KRTAP9-1: variants seen among roughly 807,000 people sequenced by gnomAD.
The protein encoded by KRTAP9-1 is keratin-associated protein 9-1.
Under a neutral mutation model 18.4 loss-of-function variants are expected in KRTAP9-1, and 13 were observed. The observed-to-expected ratio is 0.71, with a 90% CI of 0.46 to 1.12. KRTAP9-1 has a LOEUF of 1.12. KRTAP9-1 is among the 50% of genes most tolerant of loss of function. The pLI, the probability that KRTAP9-1 is intolerant of heterozygous loss-of-function variation, is 0.00. For missense variants in KRTAP9-1, 310 were observed against 310.6 expected, an observed-to-expected ratio of 1.00 and a Z score of 0.01; for synonymous variants, 122 against 108.8, an observed-to-expected ratio of 1.12 and a Z score of -0.75.
At position 41,190,111 on chromosome 17, in the gene KRTAP9-1, C is replaced by G. The variant is rs1324622944; in HGVS notation, c.225C>G (p.Cys75Trp). The stretch of plus-strand genomic sequence containing the variant: ...GCCAGCCCACTTGTGTGGCCAGCTG[C>G]TGCCAGCCTTCCTGCTGCAGCACAC... ...TCCQPTCVASCCQPSCCSTPC... is the reference protein window; with the variant it reads ...TCCQPTCVASWCQPSCCSTPC... Residue 75 changes from cysteine (C) to tryptophan (W), a missense_variant, in exon 1 of 1, where the codon TGC becomes TGG. This residue lies in a region of KRTAP9-1 where 178 missense variants were observed against 190.2 expected (regional missense o/e 0.94). Transcript: ENST00000398470. The G allele has an allele frequency of 1.9e-6, 3 of 1,603,202 alleles. No individual in the cohort carries two copies. Among genetic ancestry groups the G allele is most frequent in the East Asian group, 4.5e-5 (2 of 44,096 alleles).
In KRTAP9-1 at chr17:41,190,287, G is replaced by C. The variant is rs756837166; in HGVS notation, c.401G>C (p.Cys134Ser). 1 of 1,435,660 alleles carries C rather than the reference G, an allele frequency of 7.0e-7. No homozygotes were observed. The highest frequency in any genetic ancestry group is 9.4e-7 in the Non-Finnish European group (1 of 1,066,196). The allele number at this position is 1,435,660 out of a possible 1,614,324, so 88.9% of individuals were successfully genotyped here. A position where few individuals can be genotyped will look rare whatever the true frequency, so the allele number is the denominator to read the frequency against. The change falls in exon 1 of 1, where the codon TGC becomes TCC. Residue 134 changes from cysteine (C) to serine (S), a missense_variant. Around this residue, in one of 3 missense-constraint regions of KRTAP9-1, gnomAD observed 178 missense variants for 190.2 expected, o/e 0.94. Transcript: ENST00000398470. ...YQTICFRTTCCQPTCCQPTCC... is the reference protein window; with the variant it reads ...YQTICFRTTCSQPTCCQPTCC... ...ACTATCTGCTTCAGGACCACCTGCT[G>C]CCAGCCTACCTGCTGCCAGCCCACC...
rs763212369 is a variant in KRTAP9-1 at position 41,190,267 on chromosome 17, C to T, written c.381C>T (p.Ile127=). Residue 127 remains isoleucine (I), a synonymous_variant, in exon 1 of 1, where the codon ATC becomes ATT. Transcript: ENST00000398470. ...GTCACCCGACTTGCTATCAAACTAT[C>T]TGCTTCAGGACCACCTGCTGCCAGC... ...PCCHPTCYQT[I]CFRTTCCQPT... 1 of 1,389,216 alleles carries T rather than the reference C, an allele frequency of 7.2e-7. No homozygotes were observed. Among genetic ancestry groups the T allele is most frequent in the Non-Finnish European group, 9.6e-7 (1 of 1,043,054 alleles). 86.1% of individuals were successfully genotyped at this position (1,389,216 alleles called of 1,614,324 possible).
rs754493634 is a variant in KRTAP9-1 at position 41,190,279 on chromosome 17, CACCTGCTGCCAGCCT to C, written c.408_422del (p.Gln140_Cys144del). ...GCTATCAAACTATCTGCTTCAGGAC[CACCTGCTGCCAGCCT>C]ACCTGCTGCCAGCCCACCTGCTGCA... On this transcript the variant is annotated inframe_deletion, in exon 1 of 1. Coordinates refer to ENST00000398470, the MANE Select transcript of KRTAP9-1 (RefSeq NM_001190460.1). The C allele has an allele frequency of 1.7e-4, 225 of 1,286,964 alleles. No individual in the cohort carries two copies. The African/African-American group carries it at 4.1e-3, about 24-fold the overall frequency. 79.7% of individuals were successfully genotyped at this position (1,286,964 alleles called of 1,614,324 possible).
rs760247599 is a variant in KRTAP9-1 at position 41,190,474 on chromosome 17, T to C, written c.588T>C (p.Gly196=). Residue 196 remains glycine (G), a synonymous_variant, in exon 1 of 1, where the codon GGT becomes GGC. Coordinates refer to ENST00000398470, the MANE Select transcript of KRTAP9-1 (RefSeq NM_001190460.1). ...CSTPCCQPTC[G]GSSCCSQTCN... ...CACCCTGTTGCCAGCCAACCTGTGGTGGGTCCAGCTGCTGTAGCCAAACCT... is the reference window on the plus strand; with the variant it reads ...CACCCTGTTGCCAGCCAACCTGTGGCGGGTCCAGCTGCTGTAGCCAAACCT... 2.1e-5 allele frequency: 33 copies of C among 1,600,626 alleles called. No homozygotes were observed. Among genetic ancestry groups the C allele is most frequent in the Non-Finnish European group, 3.4e-6 (4 of 1,173,928 alleles).
chr17:41,190,586 TG>T lies in KRTAP9-1; in HGVS notation c.314del (p.Cys105PhefsTer?). 2 of 1,608,686 alleles carry T rather than the reference TG, an allele frequency of 1.2e-6. No homozygotes were observed. Among genetic ancestry groups the T allele is most frequent in the Non-Finnish European group, 1.7e-6 (2 of 1,177,368 alleles). ...CAGGACCACCTGTTGCCGCCCCAGC[TG>T]TTGCTGCAGTCCTTGCTGTGTCTCC... On this transcript the variant is annotated frameshift_variant, in exon 3 of 3. Transcript: ENST00000634358. LOFTEE classifies it high-confidence loss of function.
chr17:41,190,484 T>C lies in KRTAP9-1; in HGVS notation c.598T>C (p.Cys200Arg). The C allele has an allele frequency of 6.2e-7, 1 of 1,603,476 alleles. No individual in the cohort carries two copies. Among genetic ancestry groups the C allele is most frequent in the Non-Finnish European group, 8.5e-7 (1 of 1,174,758 alleles). ...CCQPTCGGSS[C>R]CSQTCNESSY... ...CCAGCCAACCTGTGGTGGGTCCAGC[T>C]GCTGTAGCCAAACCTGCAATGAGTC... The change falls in exon 1 of 1, where the codon TGC becomes CGC. Residue 200 changes from cysteine to arginine, a missense_variant. By Grantham distance (180) the Cys-to-Arg change is radical. This residue lies in a region of KRTAP9-1 where 130 missense variants were observed against 103.4 expected (regional missense o/e 1.26). Coordinates refer to ENST00000398470, the MANE Select transcript of KRTAP9-1 (RefSeq NM_001190460.1).
Position 41,190,462 on chromosome 17 carries a change from G to A in KRTAP9-1, c.576G>A (p.Gln192=), listed in dbSNP as rs1206176961. Residue 192 remains glutamine, a synonymous_variant, in exon 1 of 1, where the codon CAG becomes CAA. Transcript: ENST00000398470. ...GATGCTGCAGCACACCCTGTTGCCA[G>A]CCAACCTGTGGTGGGTCCAGCTGCT... ...VTRCCSTPCC[Q]PTCGGSSCCS... is the part of the protein sequence containing the mutation. The A allele has an allele frequency of 6.3e-7, 1 of 1,599,656 alleles. No individual in the cohort carries two copies. Among genetic ancestry groups the A allele is most frequent in the Non-Finnish European group, 8.5e-7 (1 of 1,173,726 alleles).
Position 41,190,168 on chromosome 17 carries a change from C to T in KRTAP9-1, c.282C>T (p.Ser94=). 6.5e-7 allele frequency: 1 copy of T among 1,532,420 alleles called. No individual in the cohort carries two copies. Among genetic ancestry groups the T allele is most frequent in the Non-Finnish European group, 8.8e-7 (1 of 1,138,282 alleles). 94.9% of individuals were successfully genotyped at this position (1,532,420 alleles called of 1,614,324 possible). A position where few individuals can be genotyped will look rare whatever the true frequency, so the allele number is the denominator to read the frequency against. The part of the protein sequence containing the change: ...PCCQPTCCGS[S]CCGQTSCGSS... ...GCCAGCCCACCTGCTGTGGGTCCAG[C>T]TGCTGTGGCCAAACCAGCTGTGGGT... Residue 94 remains serine, a synonymous_variant, in exon 1 of 1, where the codon AGC becomes AGT. Coordinates refer to ENST00000398470, the MANE Select transcript of KRTAP9-1 (RefSeq NM_001190460.1).
rs1331833913 is a variant in KRTAP9-1, at chr17:41,190,468, C to T, written c.582C>T (p.Thr194=). 1.2e-6 allele frequency: 2 copies of T among 1,603,150 alleles called. No individual in the cohort carries two copies. Among genetic ancestry groups the T allele is most frequent in the African/African-American group, 2.7e-5 (2 of 74,612 alleles). ...RCCSTPCCQP[T]CGGSSCCSQT... ...GCAGCACACCCTGTTGCCAGCCAAC[C>T]TGTGGTGGGTCCAGCTGCTGTAGCC... is the stretch of plus-strand genomic sequence containing the variant. The change falls in exon 1 of 1, where the codon ACC becomes ACT. Residue 194 remains threonine (T), a synonymous_variant. Coordinates refer to ENST00000398470, the MANE Select transcript of KRTAP9-1 (RefSeq NM_001190460.1).
Position 41,190,576 on chromosome 17 carries a change from C to T in KRTAP9-1, c.690C>T (p.Cys230=). The change falls in exon 1 of 1, where the codon TGC becomes TGT. Residue 230 remains cysteine, a synonymous_variant. Coordinates refer to ENST00000398470, the MANE Select transcript of KRTAP9-1 (RefSeq NM_001190460.1). ...CQTTCYRTTC[C]RPSCCCSPCC... is the part of the protein sequence containing the mutation. ...CCACCTGCTACAGGACCACCTGTTG[C>T]CGCCCCAGCTGTTGCTGCAGTCCTT... 3 of 1,609,904 alleles carry T rather than the reference C, an allele frequency of 1.9e-6. No individual in the cohort carries two copies. The highest frequency in any genetic ancestry group is 2.5e-6 in the Non-Finnish European group (3 of 1,177,942).
rs1211156871 is a variant in KRTAP9-1, at chr17:41,190,303, C to T, written c.417C>T (p.Cys139=). 9.1e-6 allele frequency: 12 copies of T among 1,317,048 alleles called. No individual in the cohort carries two copies. In the South Asian group the frequency reaches 1.8e-4, roughly 19 times the overall value. 81.6% of individuals were successfully genotyped at this position (1,317,048 alleles called of 1,614,324 possible). A position where few individuals can be genotyped will look rare whatever the true frequency, so the allele number is the denominator to read the frequency against. The change falls in exon 1 of 1, where the codon TGC becomes TGT. Residue 139 remains cysteine (C), a synonymous_variant. Transcript: ENST00000398470. ...FRTTCCQPTC[C]QPTCCRNTSC... is the part of the protein sequence containing the mutation. ...CCACCTGCTGCCAGCCTACCTGCTG[C>T]CAGCCCACCTGCTGCAGGAACACCT...
In KRTAP9-1 at chr17:41,190,396, C is replaced by G; in HGVS notation, c.510C>G (p.Thr170=). ...GCTGCCACCCAACATGCTGTCAAAC[C>G]ATTTGTAGATCCACCTGCTGCCAAC... is the stretch of plus-strand genomic sequence containing the variant. The part of the protein sequence containing the change: ...QPCCHPTCCQ[T]ICRSTCCQPS... Residue 170 remains threonine (T), a synonymous_variant, in exon 1 of 1, where the codon ACC becomes ACG. Transcript: ENST00000398470. The G allele has an allele frequency of 2.1e-6, 1 of 477,606 alleles. No homozygotes were observed. Among genetic ancestry groups the G allele is most frequent in the African/African-American group, 7.3e-5 (1 of 13,764 alleles). The allele number at this position is 477,606 out of a possible 1,614,324, so 29.6% of individuals were successfully genotyped here.
rs1220963493 is a variant in KRTAP9-1 at position 41,190,519 on chromosome 17, T to A, written c.246T>A (p.Cys82Ter). The A allele has an allele frequency of 2.5e-6, 4 of 1,607,870 alleles. No individual in the cohort carries two copies. The highest frequency in any genetic ancestry group is 8.5e-7 in the Non-Finnish European group (1 of 1,177,206). Residue 82 changes from cysteine to a stop codon, truncating the protein, a stop_gained, in exon 3 of 3, where the codon TGT becomes TGA. Coordinates refer to the KRTAP9-1 transcript ENST00000634358. LOFTEE classifies it high-confidence loss of function. ...AAACCTGCAATGAGTCCAGCTATTG[T>A]CTGCCTTGCTGCCGTCCCACCTGCT...
In KRTAP9-1 at chr17:41,190,431, T is replaced by G; in HGVS notation, c.545T>G (p.Val182Gly). 5.0e-6 allele frequency: 8 copies of G among 1,600,244 alleles called. No homozygotes were observed. Among genetic ancestry groups the G allele is most frequent in the Non-Finnish European group, 6.8e-6 (8 of 1,175,238 alleles). Residue 182 changes from valine (V) to glycine (G), a missense_variant, in exon 1 of 1, where the codon GTG (valine) becomes GGG (glycine). Val to Gly is a moderately radical substitution (Grantham distance 109). Transcript: ENST00000398470. The stretch of plus-strand genomic sequence containing the variant: ...TCCACCTGCTGCCAACCATCCTGTG[T>G]GACCAGATGCTGCAGCACACCCTGT... ...CRSTCCQPSC[V>G]TRCCSTPCCQ...
Position 41,190,069 on chromosome 17 carries a change from C to T in KRTAP9-1, c.183C>T (p.Cys61=). 4 of 1,613,546 alleles carry T rather than the reference C, an allele frequency of 2.5e-6. No individual in the cohort carries two copies. Among genetic ancestry groups the T allele is most frequent in the African/African-American group, 2.7e-5 (2 of 74,942 alleles). The change falls in exon 1 of 1, where the codon TGC becomes TGT. Residue 61 remains cysteine, a synonymous_variant. Coordinates refer to ENST00000398470, the MANE Select transcript of KRTAP9-1 (RefSeq NM_001190460.1). The part of the protein sequence containing the change: ...CCHPTCCQNT[C]CRTTCCQPTC... ...ACCCAACTTGCTGTCAAAACACCTG[C>T]TGCAGGACCACCTGCTGCCAGCCCA...
Position 41,190,609 on chromosome 17 carries a change from C to A in KRTAP9-1, c.723C>A (p.Val241=), listed in dbSNP as rs751543711. 19 of 1,593,032 alleles carry A rather than the reference C, an allele frequency of 1.2e-5. No homozygotes were observed. The highest frequency in any genetic ancestry group is 1.5e-5 in the Non-Finnish European group (17 of 1,170,084). ...RPSCCCSPCC[V]SSCCQPSCC ...GCTGTTGCTGCAGTCCTTGCTGTGT[C>A]TCCAGCTGCTGCCAGCCTTCCTGCT... Residue 241 remains valine, a synonymous_variant, in exon 1 of 1, where the codon GTC becomes GTA. Transcript: ENST00000398470.
chr17:41,190,447 C>G lies in KRTAP9-1; in HGVS notation c.561C>G (p.Ser187Arg), dbSNP rs747366300. ...CATCCTGTGTGACCAGATGCTGCAGCACACCCTGTTGCCAGCCAACCTGTG... is the reference window on the plus strand; with the variant it reads ...CATCCTGTGTGACCAGATGCTGCAGGACACCCTGTTGCCAGCCAACCTGTG... ...CQPSCVTRCC[S>R]TPCCQPTCGG... The change falls in exon 1 of 1, where the codon AGC becomes AGG. Residue 187 changes from serine to arginine, a missense_variant. Around this residue, in one of 3 missense-constraint regions of KRTAP9-1, gnomAD observed 130 missense variants for 103.4 expected, o/e 1.26. Transcript: ENST00000398470. The G allele has an allele frequency of 1.0e-5, 16 of 1,601,252 alleles. No homozygotes were observed. The highest frequency in any genetic ancestry group is 1.3e-5 in the Non-Finnish European group (15 of 1,174,772).
Position 41,189,928 on chromosome 17 carries a change from C to T in KRTAP9-1, c.42C>T (p.Cys14=), listed in dbSNP as rs772905295. 7 of 1,612,440 alleles carry T rather than the reference C, an allele frequency of 4.3e-6. No individual in the cohort carries two copies. The East Asian group carries it at 1.6e-4, about 36-fold the overall frequency. ...CCSPCCQPTC[C]RTTCCRTTCW... ...CCCCTTGCTGTCAGCCTACATGCTG[C>T]AGGACCACCTGCTGCAGGACAACCT... The change falls in exon 1 of 1, where the codon TGC becomes TGT. Residue 14 remains cysteine, a synonymous_variant. Coordinates refer to ENST00000398470, the MANE Select transcript of KRTAP9-1 (RefSeq NM_001190460.1).
downstream of KRTAP9-1, chr17:41,190,633 CT>C: frequency 6.3e-7 from 1 of 1,590,000 alleles, no homozygotes; most frequent in Non-Finnish European, 8.6e-7. Flanking sequence ...AGCCTTCCTG[CT>C]GCTAATCCAC....
Sources: gnomAD v4.1 joint callset for allele counts on GRCh38, gnomAD v4.1.1 for gene constraint, gnomAD v4.1.1 regional missense constraint, MANE v1.5 for transcripts, NCBI Gene and HGNC (gene_info 2026-07-23, HGNC 2026-07-21) for gene names.